The following THSD7A variants were observed in gnomAD, a reference collection of about 807,000 sequenced individuals.
The protein encoded by THSD7A is thrombospondin type 1 domain containing 7A.
THSD7A carries 96 observed loss-of-function variants against 231.3 expected under a neutral mutation model. The ratio of observed to expected loss-of-function variants is 0.41; its 90% CI spans 0.35 to 0.49. THSD7A has a LOEUF of 0.49. Ranked by LOEUF, THSD7A falls within the 20% of genes least tolerant of loss-of-function variation. The pLI is 0.05. For missense variants in THSD7A, 2,290 were observed against 2,070.2 expected, an observed-to-expected ratio of 1.11 and a Z score of -2.06; for synonymous variants, 940 against 743.3, an observed-to-expected ratio of 1.26 and a Z score of -4.30.
At chr7:11,518,176 A>G (rs954248645) in intron 6 of THSD7A, among the ~76,000 whole-genome samples, 2 of 152,174 alleles carry the variant, frequency 1.3e-5, no homozygotes, top group East Asian at 3.9e-4. Context: ...TGCTTTCCCC[A>G]CATTATGTAC....
Position 11,379,704 on chromosome 7 carries a change from A to C in THSD7A, c.4516T>G (p.Leu1506Val), listed in dbSNP as rs1782433415. 1.3e-6 allele frequency: 2 copies of C among 1,588,648 alleles called. No homozygotes were observed. Among genetic ancestry groups the C allele is most frequent in the Admixed American group, 1.8e-5 (1 of 56,672 alleles). The part of the protein sequence containing the change: ...SDGINVTGGC[L>V]VMSQPDADRS... ...TCGGCATCAGGCTGGCTCATCACCA[A>C]GCAGCCCCCTGCGGAACAGAAAATC... Residue 1506 changes from leucine (L) to valine (V), a missense_variant, in exon 25 of 28, where the codon TTG becomes GTG. Coordinates refer to ENST00000423059, the MANE Select transcript of THSD7A (RefSeq NM_015204.3).
At chr7:11,555,570 G>A (rs533939656) in intron 4 of THSD7A, among the ~76,000 whole-genome samples, 1 of 151,744 alleles carries the variant, frequency 6.6e-6, no homozygotes, top group African/African-American at 2.4e-5. Flanking sequence ...ATCCCTTTTA[G>A]ATTTTATTGG....
chr7:11,404,494 A>G (rs1783516983), intron 22 of THSD7A, among the ~76,000 whole-genome samples: 1 of 152,218 alleles, frequency 6.6e-6, no homozygotes, highest in South Asian at 2.1e-4. Context: ...TGTTGCCTCT[A>G]TGGCCATTCA....
chr7:11,821,073 C>T, intron 1 of THSD7A: 1 of 988,392 alleles, frequency 1.0e-6, no homozygotes, highest in Non-Finnish European at 1.6e-6. Context: ...TATGAAAGTA[C>T]TGCGGGAAAT....
intron 6 of THSD7A, among the ~76,000 whole-genome samples, chr7:11,501,991 CT>C (rs1787356998): frequency 6.6e-6 from 1 of 152,124 alleles, no homozygotes; most frequent in African/African-American, 2.4e-5. Context: ...TCAGAAATGA[CT>C]GCAAACAACC....
At position 11,726,305 on chromosome 7, in the gene THSD7A, A is replaced by G. The variant is rs369679398; in HGVS notation, c.191-89344T>C. Among the ~76,000 whole-genome samples the G allele has an allele frequency of 3.6e-4, 39 of 108,020 alleles. 2 individuals are homozygous for G. The highest frequency in any genetic ancestry group is 1.9e-3 in the East Asian group (7 of 3,732). The allele number at this position is 108,020 out of a possible 152,430, so 70.9% of individuals were successfully genotyped here. A position where few individuals can be genotyped will look rare whatever the true frequency, so the allele number is the denominator to read the frequency against. On this transcript the variant is annotated intron_variant, in intron 1 of 27. Coordinates refer to ENST00000423059, the MANE Select transcript of THSD7A (RefSeq NM_015204.3). ...CCTTTCTATTAATAATTTGACAATG[A>G]CAATCCATCACGCCTCACCTCATCT...
rs1227041855 is a variant in THSD7A, at chr7:11,769,153, A to ATTTT, written c.190+62600_190+62603dup. The stretch of plus-strand genomic sequence containing the variant: ...TATATATATATATATATATATATAT[A>ATTTT]TTTTTTTTTTTTTTTGGTATTTTTG... On this transcript the variant is annotated intron_variant, in intron 1 of 27. Coordinates refer to ENST00000423059, the MANE Select transcript of THSD7A (RefSeq NM_015204.3). Among the ~76,000 whole-genome samples the ATTTT allele has an allele frequency of 5.1e-3, 141 of 27,644 alleles. 14 individuals carry two copies. Among genetic ancestry groups the ATTTT allele is most frequent in the Middle Eastern group, 0.033 (1 of 30 alleles). The allele number at this position is 27,644 out of a possible 152,430, so 18.1% of individuals were successfully genotyped here.
At chr7:11,826,669 G>A (rs987258446) in intron 1 of THSD7A, among the ~76,000 whole-genome samples, 11 of 152,074 alleles carry the variant, frequency 7.2e-5, no homozygotes, top group East Asian at 1.9e-4. Flanking sequence ...AAAATTAGCC[G>A]GGTATGGTGG....
At chr7:11,553,453 A>G (rs1789715906) in intron 4 of THSD7A, among the ~76,000 whole-genome samples, 1 of 152,084 alleles carries the variant, frequency 6.6e-6, no homozygotes, top group East Asian at 1.9e-4. Flanking sequence ...GAAGTAAAGG[A>G]CAGACCTAGG....
At chr7:11,436,686 T>C (rs901096265) in intron 13 of THSD7A, among the ~76,000 whole-genome samples, 1 of 151,934 alleles carries the variant, frequency 6.6e-6, no homozygotes, top group Non-Finnish European at 1.5e-5. Flanking sequence ...TAGGTTTTTT[T>C]TTTTTAATTT....
chr7:11,682,938 G>A (rs895917577), intron 1 of THSD7A, among the ~76,000 whole-genome samples: 3 of 151,776 alleles, frequency 2.0e-5, no homozygotes, highest in African/African-American at 7.3e-5. Flanking sequence ...GCCTGGCCAA[G>A]ATAGTGAAAT....
intron 1 of THSD7A, among the ~76,000 whole-genome samples, chr7:11,714,134 T>C (rs1451110986): frequency 6.6e-6 from 1 of 151,190 alleles, no homozygotes; most frequent in Non-Finnish European, 1.5e-5. Flanking sequence ...TCAAGGCACT[T>C]GTAGTAAGTG....
intron 4 of THSD7A, among the ~76,000 whole-genome samples, chr7:11,560,204 A>G (rs1483216027): frequency 2.0e-5 from 3 of 152,130 alleles, no homozygotes; most frequent in Non-Finnish European, 4.4e-5. Flanking sequence ...GCTTTATTTT[A>G]TTTTTTTGAA....
intron 1 of THSD7A, among the ~76,000 whole-genome samples, chr7:11,757,465 A>G (rs188662853): frequency 1.2e-4 from 18 of 152,218 alleles, no homozygotes; most frequent in African/African-American, 4.3e-4. Context: ...TCATCTTATC[A>G]ATGAAAAAAA....
At chr7:11,579,004 T>A (rs1422123715) in intron 4 of THSD7A, among the ~76,000 whole-genome samples, 1 of 138,092 alleles carries the variant, frequency 7.2e-6, no homozygotes, top group Non-Finnish European at 1.6e-5. Context: ...TCAATGTGCA[T>A]TTTTTTCTTA....
intron 1 of THSD7A, among the ~76,000 whole-genome samples, chr7:11,693,523 G>A (rs17165047): frequency 0.11 from 16,751 of 151,538 alleles, 957 homozygotes; most frequent in African/African-American, 0.14. Context: ...TTTGTTTTAG[G>A]TTAGTTGTTG....
At chr7:11,627,741 T>C (rs948790581) in intron 2 of THSD7A, among the ~76,000 whole-genome samples, 1 of 152,110 alleles carries the variant, frequency 6.6e-6, no homozygotes, top group African/African-American at 2.4e-5. Context: ...AATTATAATT[T>C]TGGTCAGACC....
At chr7:11,570,569 T>C (rs1790580594) in intron 4 of THSD7A, among the ~76,000 whole-genome samples, 1 of 152,244 alleles carries the variant, frequency 6.6e-6, no homozygotes, top group African/African-American at 2.4e-5. Context: ...CATTATACAT[T>C]GTATGCATGT....
intron 1 of THSD7A, among the ~76,000 whole-genome samples, chr7:11,701,627 C>G (rs1411393559): frequency 6.6e-6 from 1 of 150,962 alleles, no homozygotes; most frequent in Non-Finnish European, 1.5e-5. Flanking sequence ...AATAAATAAC[C>G]TGGGGTCTTG....
Sources: allele counts gnomAD v4.1 joint callset (sites outside exome capture counted in the v4.1 genomes callset), GRCh38; gene constraint gnomAD v4.1.1; transcripts MANE v1.5; gene names NCBI Gene and HGNC (gene_info 2026-07-23, HGNC 2026-07-21).